Variants in RAPGEF2 observed in about 807,000 individuals in gnomAD.
RAPGEF2 encodes Rap guanine nucleotide exchange factor 2.
Under a neutral mutation model 186.7 loss-of-function variants are expected in RAPGEF2, and 54 were observed. The ratio of observed to expected loss-of-function variants is 0.29; its 90% confidence interval spans 0.23 to 0.36. The LOEUF (loss-of-function observed/expected upper bound fraction) is 0.36. RAPGEF2 is among the 10% of genes least tolerant of loss of function. The probability of loss-of-function intolerance (pLI) is 1.00; values close to 1 mark genes in which losing one functional copy is unlikely to be tolerated. For missense variants in RAPGEF2, 1,532 were observed against 2,045.0 expected, an observed-to-expected ratio of 0.75 and a Z score of 4.84; for synonymous variants, 712 against 705.9, an observed-to-expected ratio of 1.01 and a Z score of -0.14.
intron 4 of RAPGEF2, among the ~76,000 whole-genome samples, chr4:159,238,263 A>C (rs1328532481): frequency 1.3e-5 from 2 of 152,204 alleles, no homozygotes; most frequent in Non-Finnish European, 2.9e-5. Flanking sequence ...CATCAACTGA[A>C]ATAACTTTAC....
intron 4 of RAPGEF2, among the ~76,000 whole-genome samples, chr4:159,211,268 G>C (rs1233938507): frequency 6.6e-6 from 1 of 152,190 alleles, no homozygotes; most frequent in South Asian, 2.1e-4. Flanking sequence ...GCTGTGGCCA[G>C]AAAGGGTTAG....
At chr4:159,129,126 C>G (rs72699304) in intron 1 of RAPGEF2, among the ~76,000 whole-genome samples, 1 of 151,676 alleles carries the variant, frequency 6.6e-6, no homozygotes, top group Non-Finnish European at 1.5e-5. Context: ...CAGAAACTTG[C>G]ATAGAAATGT....
intron 1 of RAPGEF2, among the ~76,000 whole-genome samples, chr4:159,105,978 G>T (rs943993971): frequency 2.0e-5 from 3 of 152,178 alleles, no homozygotes; most frequent in Admixed American, 6.5e-5. Flanking sequence ...AGGTTGGGGG[G>T]CGGGTCACCA....
chr4:159,155,085 C>T (rs1743975136), intron 1 of RAPGEF2, among the ~76,000 whole-genome samples: 1 of 151,976 alleles, frequency 6.6e-6, no homozygotes, highest in Admixed American at 6.6e-5. Flanking sequence ...TAATATATTC[C>T]AAAATATAGT....
chr4:159,198,247 CCTTTCTTTCTTTCTCTTTCTTTCCTT>C (rs1167040429), intron 3 of RAPGEF2, among the ~76,000 whole-genome samples: 1 of 115,322 alleles, frequency 8.7e-6, no homozygotes, highest in African/African-American at 3.6e-5. Flanking sequence ...TTTCTTTCTT[CCTTTCTTTCTTTCTCTTTCTTTCCTT>C]CTTTCTTTCT....
chr4:159,266,532 C>T (rs574667288), intron 7 of RAPGEF2, among the ~76,000 whole-genome samples: 138 of 151,816 alleles, frequency 9.1e-4, no homozygotes, highest in Non-Finnish European at 9.6e-4. Flanking sequence ...ATAATGTATC[C>T]GCATTTTATT....
intron 23 of RAPGEF2, among the ~76,000 whole-genome samples, chr4:159,344,502 G>C (rs1730014628): frequency 6.6e-6 from 1 of 152,070 alleles, no homozygotes; most frequent in Non-Finnish European, 1.5e-5. Flanking sequence ...ATTTTTTACA[G>C]CTCAACTAAC....
At chr4:159,352,625 C>G (rs1731353502) in intron 26 of RAPGEF2, 60 bp from the exon 27 acceptor site, 3 of 1,382,348 alleles carry the variant, frequency 2.2e-6, no homozygotes, top group South Asian at 2.4e-5. Flanking sequence ...ATTTGGTAGA[C>G]TTCCCTTTGA....
At chr4:159,211,273 G>T (rs1750499468) in intron 4 of RAPGEF2, among the ~76,000 whole-genome samples, 1 of 152,118 alleles carries the variant, frequency 6.6e-6, no homozygotes, top group Non-Finnish European at 1.5e-5. Context: ...GGCCAGAAAG[G>T]GTTAGGGCTC....
At chr4:159,233,450 A>G (rs922258636) in intron 4 of RAPGEF2, among the ~76,000 whole-genome samples, 8 of 152,236 alleles carry the variant, frequency 5.3e-5, no homozygotes, top group Admixed American at 2.0e-4. Flanking sequence ...CTTGTCAAAA[A>G]TCAACTGGTC....
chr4:159,351,731 C>T (rs1288845415), intron 26 of RAPGEF2, among the ~76,000 whole-genome samples: 1 of 151,966 alleles, frequency 6.6e-6, no homozygotes, highest in Non-Finnish European at 1.5e-5. Flanking sequence ...TTACCTGAGG[C>T]CAGGAGTTCG....
chr4:159,125,461 A>T (rs934914712), intron 1 of RAPGEF2, among the ~76,000 whole-genome samples: 4 of 152,258 alleles, frequency 2.6e-5, no homozygotes, highest in Middle Eastern at 3.4e-3. Flanking sequence ...ACAAAGATAA[A>T]TAATTAGCTG....
intron 7 of RAPGEF2, among the ~76,000 whole-genome samples, chr4:159,301,616 A>G (rs989502024): frequency 3.9e-5 from 6 of 152,178 alleles, no homozygotes; most frequent in Non-Finnish European, 5.9e-5. Flanking sequence ...TAATCCCAGC[A>G]CTCTGAGGAG....
chr4:159,210,616 A>G, intron 4 of RAPGEF2, 33 bp downstream of exon 4: 3 of 1,428,864 alleles, frequency 2.1e-6, no homozygotes, highest in Non-Finnish European at 2.8e-6. Context: ...TAGATTATCC[A>G]TGAAGCTTGA....
In RAPGEF2 at chr4:159,356,245, TG is replaced by T. The variant is rs1247494630; in HGVS notation, c.4957+88del. The T allele has an allele frequency of 4.5e-6, 6 of 1,327,686 alleles. No individual in the cohort carries two copies. In the African/African-American group the frequency reaches 7.3e-5, roughly 16 times the overall value. The allele number at this position is 1,327,686 out of a possible 1,614,324, so 82.2% of individuals were successfully genotyped here. ...CAAGGCATTTCTGTTCTCTTAACAC[TG>T]CAGTCAGCTATGTCTAACCATATAC... On this transcript the variant is annotated intron_variant, in intron 29 of 29. Transcript: ENST00000691494.
chr4:159,124,600 A>G (rs998505781), intron 1 of RAPGEF2, among the ~76,000 whole-genome samples: 1 of 152,180 alleles, frequency 6.6e-6, no homozygotes, highest in African/African-American at 2.4e-5. Context: ...TTTGCTGAAG[A>G]TATATCTTTA....
chr4:159,312,145 T>C (rs1445260496), intron 8 of RAPGEF2, among the ~76,000 whole-genome samples: 1 of 152,150 alleles, frequency 6.6e-6, no homozygotes. Flanking sequence ...ATTCCATCTT[T>C]TTGCATACAT....
intron 7 of RAPGEF2, among the ~76,000 whole-genome samples, chr4:159,294,344 C>T (rs1166862774): frequency 1.3e-5 from 2 of 152,136 alleles, no homozygotes; most frequent in Non-Finnish European, 2.9e-5. Flanking sequence ...TGGAGCTCAT[C>T]AAAGTTGTTG....
At chr4:159,169,222 A>G (rs138199764) in intron 1 of RAPGEF2, among the ~76,000 whole-genome samples, 1,489 of 144,140 alleles carry the variant, frequency 0.01, 26 homozygotes, top group Admixed American at 0.043. Context: ...AGACTAAATA[A>G]AAGTTGTCAT....
Sources: allele counts gnomAD v4.1 joint callset (sites outside exome capture counted in the v4.1 genomes callset), GRCh38; gene constraint gnomAD v4.1.1; transcripts MANE v1.5; gene names NCBI Gene and HGNC (gene_info 2026-07-23, HGNC 2026-07-21).